Variants in ANKS1B observed in about 807,000 individuals in gnomAD.
ANKS1B encodes ankyrin repeat and sterile alpha motif domain-containing protein 1B.
ANKS1B carries 36 observed loss-of-function variants against 148.3 expected under a neutral mutation model. The observed-to-expected ratio is 0.24, with a 90% CI of 0.19 to 0.32. ANKS1B has a LOEUF of 0.32. ANKS1B is among the 10% of genes least tolerant of loss of function. The pLI is 1.00. For synonymous variants in ANKS1B, 542 were observed against 560.8 expected (o/e 0.97, Z 0.47); for missense variants, 1,157 against 1,542.6 (o/e 0.75, Z 4.19).
chr12:99,595,924 G>A (rs1229095332), intron 9 of ANKS1B, among the ~76,000 whole-genome samples: 1 of 151,770 alleles, frequency 6.6e-6, no homozygotes, highest in Non-Finnish European at 1.5e-5. Flanking sequence ...AACACAGTTT[G>A]GTTCATTGGC....
chr12:99,536,858 T>C (rs917534525), intron 9 of ANKS1B, among the ~76,000 whole-genome samples: 2 of 152,176 alleles, frequency 1.3e-5, no homozygotes, highest in African/African-American at 4.8e-5. Context: ...TACTCATTTT[T>C]TCTAAGTACT....
chr12:98,985,545 G>A (rs529199611), intron 17 of ANKS1B, among the ~76,000 whole-genome samples: 1 of 151,180 alleles, frequency 6.6e-6, no homozygotes, highest in Non-Finnish European at 1.5e-5. Context: ...TATTTTTAGT[G>A]GTTGCTCTAG....
intron 12 of ANKS1B, among the ~76,000 whole-genome samples, chr12:99,314,964 G>C (rs988964149): frequency 6.6e-6 from 1 of 152,124 alleles, no homozygotes; most frequent in Non-Finnish European, 1.5e-5. Flanking sequence ...ACTACCATTG[G>C]CTGGGCGTGG....
chr12:99,666,895 T>TGTGTGGGG (rs374573568), intron 8 of ANKS1B, among the ~76,000 whole-genome samples: 2 of 144,756 alleles, frequency 1.4e-5, no homozygotes, highest in Admixed American at 7.0e-5. Flanking sequence ...TGTGTGTGTG[T>TGTGTGGGG]GGTGAGGACA....
chr12:98,796,373 C>T (rs992037203), intron 22 of ANKS1B, among the ~76,000 whole-genome samples: 1 of 152,072 alleles, frequency 6.6e-6, no homozygotes, highest in African/African-American at 2.4e-5. Flanking sequence ...ACTTTTTAGA[C>T]CGTCTGTGTC....
chr12:99,687,597 C>G (rs2098656826), intron 8 of ANKS1B, among the ~76,000 whole-genome samples: 1 of 151,974 alleles, frequency 6.6e-6, no homozygotes, highest in Admixed American at 6.6e-5. Context: ...TGCTTCAGTC[C>G]TATCTCTGTT....
At chr12:98,929,540 A>G (rs77185701) in intron 17 of ANKS1B, among the ~76,000 whole-genome samples, 3,362 of 152,244 alleles carry the variant, frequency 0.022, 128 homozygotes, top group African/African-American at 0.077. Flanking sequence ...ATACAAAGCT[A>G]CAGTTATCAA....
intron 17 of ANKS1B, among the ~76,000 whole-genome samples, chr12:99,033,619 G>A (rs908879423): frequency 4.0e-5 from 6 of 151,544 alleles, no homozygotes; most frequent in African/African-American, 7.3e-5. Context: ...AGCCAAGATC[G>A]CACCACTGCA....
chr12:98,776,305 G>C (rs372872416), intron 24 of ANKS1B, among the ~76,000 whole-genome samples: 15 of 152,350 alleles, frequency 9.8e-5, no homozygotes, highest in Admixed American at 7.8e-4. Context: ...AAATTAAAAA[G>C]TGATGTCATG....
At chr12:99,258,295 T>G (rs545758173) in intron 12 of ANKS1B, among the ~76,000 whole-genome samples, 1 of 152,204 alleles carries the variant, frequency 6.6e-6, no homozygotes, top group African/African-American at 2.4e-5. Context: ...CTTATTTTAA[T>G]TAATTATGGC....
chr12:99,794,828 A>T (rs1478182445), intron 4 of ANKS1B, among the ~76,000 whole-genome samples: 1 of 151,948 alleles, frequency 6.6e-6, no homozygotes, highest in Non-Finnish European at 1.5e-5. Flanking sequence ...TCAATTGTAC[A>T]TTTAAAAATA....
intron 9 of ANKS1B, among the ~76,000 whole-genome samples, chr12:99,633,637 G>A (rs1485131532): frequency 6.6e-6 from 1 of 152,106 alleles, no homozygotes; most frequent in African/African-American, 2.4e-5. Flanking sequence ...TTGACAAATG[G>A]GATCTAATTA....
chr12:99,200,999 C>T (rs1269086731), intron 14 of ANKS1B, among the ~76,000 whole-genome samples: 2 of 152,252 alleles, frequency 1.3e-5, no homozygotes, highest in East Asian at 3.9e-4. Context: ...GAGACACAGG[C>T]TACCTGGAGG....
chr12:99,768,825 GAAA>G (rs71088151), intron 8 of ANKS1B, among the ~76,000 whole-genome samples: 5 of 69,404 alleles, frequency 7.2e-5, no homozygotes, highest in South Asian at 6.9e-4. Context: ...CTCCGTCTCA[GAAA>G]AAAAAAAAAA....
chr12:99,680,859 G>GC (rs2098610427), intron 8 of ANKS1B, among the ~76,000 whole-genome samples: 1 of 152,014 alleles, frequency 6.6e-6, no homozygotes, highest in Admixed American at 6.5e-5. Context: ...GCTGAGTGAG[G>GC]CCCGTCACTG....
At chr12:99,065,614 C>T (rs915894404) in intron 16 of ANKS1B, among the ~76,000 whole-genome samples, 6 of 147,310 alleles carry the variant, frequency 4.1e-5, no homozygotes, top group African/African-American at 1.5e-4. Flanking sequence ...ATCCATCCAT[C>T]CATCCATCCA....
chr12:99,228,990 C>CT (rs1427886171), intron 14 of ANKS1B, among the ~76,000 whole-genome samples: 1 of 151,734 alleles, frequency 6.6e-6, no homozygotes, highest in Non-Finnish European at 1.5e-5. Flanking sequence ...GGATATACTT[C>CT]TTTATTAAAT....
intron 22 of ANKS1B, among the ~76,000 whole-genome samples, chr12:98,787,710 A>C (rs987072094): frequency 4.6e-5 from 7 of 151,960 alleles, no homozygotes; most frequent in African/African-American, 1.7e-4. Context: ...GCCTGAGCTC[A>C]GGAGTTCGAG....
intron 1 of ANKS1B, among the ~76,000 whole-genome samples, chr12:99,857,696 C>G (rs976625090): frequency 1.3e-5 from 2 of 152,030 alleles, no homozygotes; most frequent in Non-Finnish European, 2.9e-5. Context: ...GGTATATAAG[C>G]CAATGGAACA....
Sources: allele counts gnomAD v4.1 joint callset (sites outside exome capture counted in the v4.1 genomes callset), GRCh38; gene constraint gnomAD v4.1.1; transcripts MANE v1.5; gene names NCBI Gene and HGNC (gene_info 2026-07-23, HGNC 2026-07-21).